LCLAT1: variants seen among roughly 807,000 people sequenced by gnomAD.
LCLAT1 encodes the protein lysocardiolipin acyltransferase 1, also known as 1-AGP acyltransferase 8.
LCLAT1 carries 11 observed loss-of-function variants against 30.7 expected under a neutral mutation model. That is an observed-to-expected ratio of 0.36 (90% CI 0.23 to 0.59). The LOEUF is 0.59. Ranked by LOEUF, LCLAT1 falls within the 20% of genes least tolerant of loss-of-function variation. The probability of loss-of-function intolerance (pLI) is 0.77; values close to 1 mark genes in which losing one functional copy is unlikely to be tolerated. For synonymous variants in LCLAT1, 155 were observed against 151.3 expected (o/e 1.02, Z -0.18); for missense variants, 402 against 458.6 (o/e 0.88, Z 1.13).
At chr2:30,633,841 A>G (rs1024154315) in intron 5 of LCLAT1, among the ~76,000 whole-genome samples, 4 of 152,248 alleles carry the variant, frequency 2.6e-5, no homozygotes, top group African/African-American at 9.6e-5. Flanking sequence ...TCTGATACTT[A>G]GGCATGAGCA....
intron 4 of LCLAT1, among the ~76,000 whole-genome samples, chr2:30,565,514 CAT>C (rs1665442053): frequency 6.6e-6 from 1 of 152,126 alleles, no homozygotes; most frequent in South Asian, 2.1e-4. Flanking sequence ...TTAAAGTTGA[CAT>C]ATAAAATTAG....
intron 1 of LCLAT1, among the ~76,000 whole-genome samples, chr2:30,483,945 C>G (rs937481918): frequency 2.6e-5 from 4 of 152,044 alleles, no homozygotes; most frequent in Middle Eastern, 3.2e-3. Context: ...CTTTTAGAAA[C>G]TTCATTTTCT....
At chr2:30,495,547 G>T (rs927877835) in intron 1 of LCLAT1, among the ~76,000 whole-genome samples, 1 of 151,986 alleles carries the variant, frequency 6.6e-6, no homozygotes, top group East Asian at 1.9e-4. Context: ...TATGCTAGAA[G>T]ATTAAAAAAA....
intron 3 of LCLAT1, among the ~76,000 whole-genome samples, chr2:30,556,017 A>G (rs887581530): frequency 2.6e-5 from 4 of 151,636 alleles, no homozygotes; most frequent in Admixed American, 2.6e-4. Context: ...GATGGTCTCA[A>G]TCTCCTGACC....
intron 1 of LCLAT1, among the ~76,000 whole-genome samples, chr2:30,494,639 T>G (rs748347009): frequency 4.0e-5 from 6 of 151,844 alleles, no homozygotes; most frequent in African/African-American, 1.5e-4. Context: ...AGTGTGTGTA[T>G]GGGGATGCCT....
rs1446888726 is a variant in LCLAT1 at position 30,568,052 on chromosome 2, T to A, written c.512-8T>A. The A allele has an allele frequency of 7.0e-7, 1 of 1,418,628 alleles. No homozygotes were observed. Among genetic ancestry groups the A allele is most frequent in the Non-Finnish European group, 9.9e-7 (1 of 1,012,378 alleles). The allele number at this position is 1,418,628 out of a possible 1,614,324, so 87.9% of individuals were successfully genotyped here. Reference sequence around the variant, plus strand: ...TTATGATTTATAATGGTCCATTGTTTTGTTTAGAAAACAGCAAGTCTCGAA... The same window carrying A: ...TTATGATTTATAATGGTCCATTGTTATGTTTAGAAAACAGCAAGTCTCGAA... On this transcript the variant is annotated splice_polypyrimidine_tract_variant and splice_region_variant and intron_variant, in intron 4 of 5. Coordinates refer to ENST00000379509, the MANE Select transcript of LCLAT1 (RefSeq NM_001002257.3).
At chr2:30,472,833 C>T (rs751830705) in intron 1 of LCLAT1, among the ~76,000 whole-genome samples, 5 of 152,058 alleles carry the variant, frequency 3.3e-5, no homozygotes, top group Non-Finnish European at 7.4e-5. Context: ...CTCCTACCTG[C>T]CCCCCACAAT....
chr2:30,522,165 A>G (rs919726315), intron 1 of LCLAT1, among the ~76,000 whole-genome samples: 4 of 152,110 alleles, frequency 2.6e-5, no homozygotes, highest in African/African-American at 7.2e-5. Context: ...ATAATTACGT[A>G]TAGGTTTTTG....
chr2:30,511,586 G>A (rs928976560), intron 1 of LCLAT1, among the ~76,000 whole-genome samples: 1 of 152,148 alleles, frequency 6.6e-6, no homozygotes, highest in African/African-American at 2.4e-5. Context: ...TAGGACAACT[G>A]GCATAGGACC....
At chr2:30,522,003 AT>A (rs1685501624) in intron 1 of LCLAT1, among the ~76,000 whole-genome samples, 1 of 152,194 alleles carries the variant, frequency 6.6e-6, no homozygotes, top group Non-Finnish European at 1.5e-5. Context: ...TACATTTGAG[AT>A]TAACTCAACA....
chr2:30,548,712 A>C (rs1026197821), intron 3 of LCLAT1, among the ~76,000 whole-genome samples: 2 of 152,194 alleles, frequency 1.3e-5, no homozygotes, highest in Non-Finnish European at 2.9e-5. Flanking sequence ...GGGATTATCT[A>C]TATAATGTGG....
chr2:30,638,246 A>T (rs1347636837), intron 5 of LCLAT1, among the ~76,000 whole-genome samples: 1 of 152,212 alleles, frequency 6.6e-6, no homozygotes, highest in Non-Finnish European at 1.5e-5. Flanking sequence ...GAAAGGGTAA[A>T]TGTGGGATAA....
chr2:30,525,696 C>G lies in LCLAT1; in HGVS notation c.106C>G (p.Pro36Ala), dbSNP rs542028384. The G allele has an allele frequency of 6.2e-7, 1 of 1,613,784 alleles. No homozygotes were observed. The highest frequency in any genetic ancestry group is 8.5e-7 in the Non-Finnish European group (1 of 1,179,996). The part of the protein sequence containing the change: ...SPFLPLMFVN[P>A]SWYRWINNRL... ...CTTTTTACCTTTGATGTTTGTAAAC[C>G]CATCTTGGTATCGCTGGATCAACAA... The change falls in exon 2 of 6, where the codon CCA becomes GCA. Residue 36 changes from proline (P) to alanine (A), a missense_variant. Transcript: ENST00000379509.
At chr2:30,498,079 A>G (rs1049699693) in intron 1 of LCLAT1, among the ~76,000 whole-genome samples, 4 of 152,180 alleles carry the variant, frequency 2.6e-5, no homozygotes, top group Non-Finnish European at 5.9e-5. Flanking sequence ...CGACCAAGAA[A>G]ATTAAGGAGC....
intron 5 of LCLAT1, among the ~76,000 whole-genome samples, chr2:30,636,153 G>A (rs140005985): frequency 8.1e-4 from 124 of 152,272 alleles, no homozygotes; most frequent in East Asian, 5.4e-3. Context: ...GATGAAATAC[G>A]TCAGGAAAAA....
intron 2 of LCLAT1, among the ~76,000 whole-genome samples, chr2:30,527,819 ATTTTAG>A (rs975393748): frequency 1.3e-5 from 2 of 152,154 alleles, no homozygotes; most frequent in Non-Finnish European, 2.9e-5. Context: ...TATTATATTA[ATTTTAG>A]TTTTAGTTTT....
At chr2:30,577,388 G>T (rs1666043764) in intron 5 of LCLAT1, among the ~76,000 whole-genome samples, 1 of 152,058 alleles carries the variant, frequency 6.6e-6, no homozygotes, top group Non-Finnish European at 1.5e-5. Context: ...CAAGAGTATT[G>T]CATTCGGCCA....
At chr2:30,566,993 AG>A (rs1665515904) in intron 4 of LCLAT1, among the ~76,000 whole-genome samples, 1 of 152,222 alleles carries the variant, frequency 6.6e-6, no homozygotes, top group African/African-American at 2.4e-5. Context: ...TCTGTGCCTG[AG>A]CAAGGCAGAT....
intron 5 of LCLAT1, among the ~76,000 whole-genome samples, chr2:30,605,480 T>C (rs1667395784): frequency 6.6e-6 from 1 of 152,226 alleles, no homozygotes; most frequent in Admixed American, 6.5e-5. Context: ...ATATTGTTTT[T>C]AGTTTATTCA....
Sources: allele counts gnomAD v4.1 joint callset (sites outside exome capture counted in the v4.1 genomes callset), GRCh38; gene constraint gnomAD v4.1.1; transcripts MANE v1.5; gene names NCBI Gene and HGNC (gene_info 2026-07-23, HGNC 2026-07-21).